The following OTUD7A variants were observed in gnomAD, a reference collection of about 807,000 sequenced individuals.
OTUD7A encodes the protein OTU domain-containing protein 7A.
A neutral mutation model predicts 65.7 loss-of-function variants in OTUD7A; 12 were observed. That is an observed-to-expected ratio of 0.18 (90% CI 0.12 to 0.30). The LOEUF is 0.30. OTUD7A is among the 10% of genes least tolerant of loss of function. The probability of loss-of-function intolerance (pLI) is 1.00; values close to 1 mark genes in which losing one functional copy is unlikely to be tolerated. For missense variants in OTUD7A, 1,148 were observed against 1,304.8 expected, an observed-to-expected ratio of 0.88 and a Z score of 1.85; for synonymous variants, 641 against 586.3, an observed-to-expected ratio of 1.09 and a Z score of -1.35.
At chr15:31,699,671 T>C (rs183045901) in intron 1 of OTUD7A, among the ~76,000 whole-genome samples, 3 of 152,088 alleles carry the variant, frequency 2.0e-5, no homozygotes, top group African/African-American at 7.2e-5. Flanking sequence ...GGGAAGACCA[T>C]TGGAGGCAGC....
At chr15:31,685,741 A>G (rs529389816) in intron 1 of OTUD7A, among the ~76,000 whole-genome samples, 4 of 152,364 alleles carry the variant, frequency 2.6e-5, no homozygotes, top group African/African-American at 9.6e-5. Context: ...AGTTAAATAA[A>G]GCTTTGGAAC....
intron 1 of OTUD7A, among the ~76,000 whole-genome samples, chr15:31,662,417 G>A (rs973678435): frequency 3.9e-5 from 6 of 152,106 alleles, no homozygotes; most frequent in African/African-American, 1.2e-4. Context: ...TGCATTCGTC[G>A]ATTTAAACAT....
chr15:31,764,654 C>T (rs1895053475), intron 1 of OTUD7A, among the ~76,000 whole-genome samples: 2 of 152,026 alleles, frequency 1.3e-5, no homozygotes, highest in Non-Finnish European at 2.9e-5. Context: ...TTATAAAAAG[C>T]ATTTAGGCCA....
rs1323655660 is a variant in OTUD7A at position 31,732,247 on chromosome 15, T to TGTC, written c.-99-75173_-99-75171dup. On this transcript the variant is annotated intron_variant, in intron 1 of 12. Transcript: ENST00000307050. ...CAGAAACCATGTAGATGCATTCTACTGTCATAAGAGAAGTTATTCCTGACT... is the reference window on the plus strand; with the variant it reads ...CAGAAACCATGTAGATGCATTCTACTGTCGTCATAAGAGAAGTTATTCCTGACT... 5.3e-5 allele frequency among the ~76,000 whole-genome samples: 8 copies of TGTC among 152,368 alleles called. No individual in the cohort carries two copies. The East Asian group carries it at 1.3e-3, about 26-fold the overall frequency.
At chr15:31,768,829 G>A (rs994335700) in intron 1 of OTUD7A, among the ~76,000 whole-genome samples, 2 of 152,034 alleles carry the variant, frequency 1.3e-5, no homozygotes, top group African/African-American at 2.4e-5. Context: ...GAAAAAATAA[G>A]TATGAATATT....
intron 3 of OTUD7A, among the ~76,000 whole-genome samples, chr15:31,631,881 C>T (rs1255105992): frequency 2.6e-5 from 4 of 152,178 alleles, no homozygotes; most frequent in Admixed American, 6.5e-5. Flanking sequence ...TTGATTGCAT[C>T]GGCTCCTGAG....
chr15:31,573,350 G>T (rs1479884758), intron 3 of OTUD7A, among the ~76,000 whole-genome samples: 2 of 152,182 alleles, frequency 1.3e-5, no homozygotes, highest in Non-Finnish European at 2.9e-5. Flanking sequence ...CACTTTTTGA[G>T]AAAATTAATA....
chr15:31,575,446 C>T (rs1043379365), intron 3 of OTUD7A, among the ~76,000 whole-genome samples: 4 of 152,168 alleles, frequency 2.6e-5, no homozygotes, highest in Non-Finnish European at 5.9e-5. Flanking sequence ...ATGAAACACA[C>T]TACACTGACA....
At chr15:31,734,947 A>G (rs1374286195) in intron 1 of OTUD7A, among the ~76,000 whole-genome samples, 1 of 152,120 alleles carries the variant, frequency 6.6e-6, no homozygotes, top group African/African-American at 2.4e-5. Context: ...AGAAACACCA[A>G]CAGAGTAAAC....
chr15:31,606,740 G>A (rs961104356), intron 3 of OTUD7A, among the ~76,000 whole-genome samples: 1 of 152,108 alleles, frequency 6.6e-6, no homozygotes, highest in African/African-American at 2.4e-5. Flanking sequence ...ATACCCTCTA[G>A]GCATTAAATG....
intron 3 of OTUD7A, among the ~76,000 whole-genome samples, chr15:31,648,981 G>T (rs1158495982): frequency 6.6e-6 from 1 of 152,080 alleles, no homozygotes; most frequent in African/African-American, 2.4e-5. Flanking sequence ...GGCTGGTCTC[G>T]AACTCCTGAC....
chr15:31,733,364 C>CT (rs1894100028), intron 1 of OTUD7A, among the ~76,000 whole-genome samples: 1 of 152,264 alleles, frequency 6.6e-6, no homozygotes, highest in Non-Finnish European at 1.5e-5. Context: ...GCCCCACTCA[C>CT]TATCTGAGCA....
At chr15:31,512,139 GAA>G in intron 8 of OTUD7A, among the ~76,000 whole-genome samples, 1 of 152,092 alleles carries the variant, frequency 6.6e-6, no homozygotes, top group Non-Finnish European at 1.5e-5. Flanking sequence ...GATTACTAAG[GAA>G]ATACTTTACC....
chr15:31,779,301 C>T (rs16955892), intron 1 of OTUD7A, among the ~76,000 whole-genome samples: 5,755 of 152,230 alleles, frequency 0.038, 387 homozygotes, highest in African/African-American at 0.13. Context: ...GGAATCGTCA[C>T]GCTGGCACTA....
At chr15:31,644,753 AC>A (rs2141265737) in intron 3 of OTUD7A, among the ~76,000 whole-genome samples, 1 of 152,336 alleles carries the variant, frequency 6.6e-6, no homozygotes, top group East Asian at 1.9e-4. Flanking sequence ...TGTTGGGATT[AC>A]AGGTATGAGC....
intron 1 of OTUD7A, among the ~76,000 whole-genome samples, chr15:31,816,071 G>C (rs1162431075): frequency 6.6e-6 from 1 of 152,184 alleles, no homozygotes; most frequent in Admixed American, 6.5e-5. Context: ...AAAAACCACT[G>C]AACGAGTGAA....
At chr15:31,654,884 T>G (rs1286712533) in intron 3 of OTUD7A, among the ~76,000 whole-genome samples, 1 of 152,230 alleles carries the variant, frequency 6.6e-6, no homozygotes, top group Non-Finnish European at 1.5e-5. Flanking sequence ...AAAAGTATTT[T>G]CTTGAATGTT....
At chr15:31,610,615 A>ATTTT (rs1336235314) in intron 3 of OTUD7A, among the ~76,000 whole-genome samples, 363 of 32,740 alleles carry the variant, frequency 0.011, 7 homozygotes, top group East Asian at 0.049. Context: ...ATATATATAT[A>ATTTT]TATTTTTTTT....
chr15:31,735,956 A>G (rs1168959144), intron 1 of OTUD7A, among the ~76,000 whole-genome samples: 1 of 152,246 alleles, frequency 6.6e-6, no homozygotes, highest in Non-Finnish European at 1.5e-5. Flanking sequence ...AAACTAACGC[A>G]GGAAAAGAAA....
Sources: gnomAD v4.1 joint callset for allele counts (sites outside exome capture counted in the v4.1 genomes callset) on GRCh38, gnomAD v4.1.1 for gene constraint, MANE v1.5 for transcripts, NCBI Gene and HGNC (gene_info 2026-07-23, HGNC 2026-07-21) for gene names.